Variants in PPP1R16B observed in about 807,000 individuals in gnomAD.
The protein encoded by PPP1R16B is protein phosphatase 1 regulatory inhibitor subunit 16B.
In PPP1R16B, 14 loss-of-function variants were observed where a neutral mutation model predicts 61.7. That is an observed-to-expected ratio of 0.23 (90% CI 0.15 to 0.35). The LOEUF is 0.35. Ranked by LOEUF, PPP1R16B falls within the 10% of genes least tolerant of loss-of-function variation. The probability of loss-of-function intolerance (pLI) is 1.00; values close to 1 mark genes in which losing one functional copy is unlikely to be tolerated. For missense variants in PPP1R16B, 547 were observed against 752.5 expected, an observed-to-expected ratio of 0.73 and a Z score of 3.19; for synonymous variants, 266 against 305.3, an observed-to-expected ratio of 0.87 and a Z score of 1.34.
At chr20:38,884,907 T>TA (rs1211388286) in intron 2 of PPP1R16B, among the ~76,000 whole-genome samples, 2 of 151,538 alleles carry the variant, frequency 1.3e-5, no homozygotes, top group Non-Finnish European at 2.9e-5. Context: ...CCGTCTCTAC[T>TA]AAAAATACAA....
chr20:38,852,049 G>T (rs961862610), intron 2 of PPP1R16B, among the ~76,000 whole-genome samples: 2 of 152,130 alleles, frequency 1.3e-5, no homozygotes, highest in African/African-American at 4.8e-5. Context: ...GGACGGCGGG[G>T]GGGGAAGGCC....
intron 2 of PPP1R16B, among the ~76,000 whole-genome samples, chr20:38,852,724 T>G (rs961925771): frequency 4.7e-4 from 69 of 145,300 alleles, no homozygotes; most frequent in Non-Finnish European, 6.6e-4. Flanking sequence ...GATTCTTGCT[T>G]GGCTTCTAGG....
intron 2 of PPP1R16B, among the ~76,000 whole-genome samples, chr20:38,852,907 G>A (rs2084979339): frequency 6.6e-6 from 1 of 151,782 alleles, no homozygotes; most frequent in Non-Finnish European, 1.5e-5. Context: ...CTGAGTAGCT[G>A]GGATTACAGG....
chr20:38,895,815 T>G, intron 4 of PPP1R16B, 105 bp downstream of exon 4: 1 of 1,173,272 alleles, frequency 8.5e-7, no homozygotes. Context: ...CTCTCCTCCC[T>G]TCCTCCTTCC....
intron 3 of PPP1R16B, among the ~76,000 whole-genome samples, chr20:38,891,802 A>C (rs1488704351): frequency 7.0e-6 from 1 of 143,642 alleles, no homozygotes; most frequent in East Asian, 2.0e-4. Context: ...ACTCTGTCTC[A>C]AAAAAAAAAA....
intron 1 of PPP1R16B, 119 bp from the exon 2 acceptor site, chr20:38,835,706 T>C (rs2084864621): frequency 3.5e-6 from 2 of 566,878 alleles, no homozygotes; most frequent in African/African-American, 3.8e-5. Context: ...GCACTTCTCT[T>C]GAGGAGCAAT....
intron 1 of PPP1R16B, among the ~76,000 whole-genome samples, chr20:38,816,856 G>A (rs1034792431): frequency 4.6e-5 from 7 of 152,214 alleles, no homozygotes; most frequent in East Asian, 1.9e-4. Context: ...GGGGCCAGGC[G>A]AGGTATGTCC....
rs145266178 is a variant in PPP1R16B at position 38,816,276 on chromosome 20, C to T, written c.-102+10484C>T. 3.1e-3 allele frequency among the ~76,000 whole-genome samples: 472 copies of T among 152,114 alleles called. 2 individuals carry two copies. The highest frequency in any genetic ancestry group is 4.4e-3 in the Non-Finnish European group (296 of 68,000). ...GCACTGATTACCGATCACTCAAACC[C>T]GGGCAGATCTGTACGTTGGTCCAGA... On this transcript the variant is annotated intron_variant, in intron 1 of 10. Coordinates refer to ENST00000299824, the MANE Select transcript of PPP1R16B (RefSeq NM_015568.4).
chr20:38,908,482 C>T (rs1472432224), intron 10 of PPP1R16B, among the ~76,000 whole-genome samples: 4 of 152,166 alleles, frequency 2.6e-5, no homozygotes, highest in South Asian at 2.1e-4. Context: ...GGTGAGTGTC[C>T]GCTATGCGCC....
At chr20:38,917,166 C>T (rs1196938376) in intron 10 of PPP1R16B, among the ~76,000 whole-genome samples, 6 of 151,886 alleles carry the variant, frequency 4.0e-5, no homozygotes, top group African/African-American at 7.3e-5. Flanking sequence ...TGTGGTGGTA[C>T]GTGCCTGTAA....
chr20:38,814,239 T>C (rs552611850), intron 1 of PPP1R16B, among the ~76,000 whole-genome samples: 2 of 152,218 alleles, frequency 1.3e-5, no homozygotes, highest in Non-Finnish European at 2.9e-5. Flanking sequence ...GTCCTTGTAC[T>C]GAATCATTAC....
At chr20:38,821,988 T>TAC (rs2084775931) in intron 1 of PPP1R16B, among the ~76,000 whole-genome samples, 1 of 146,192 alleles carries the variant, frequency 6.8e-6, no homozygotes, top group Non-Finnish European at 1.5e-5. Context: ...CAGAAATATA[T>TAC]ATATATTAAT....
chr20:38,833,416 A>G (rs2084850096), intron 1 of PPP1R16B, among the ~76,000 whole-genome samples: 1 of 152,220 alleles, frequency 6.6e-6, no homozygotes. Context: ...GTACATGTGA[A>G]ACTAGGGAAA....
In PPP1R16B at chr20:38,806,322, C is replaced by T. The variant is rs541596307; in HGVS notation, c.-102+530C>T. On this transcript the variant is annotated intron_variant, in intron 1 of 10. Coordinates refer to ENST00000299824, the MANE Select transcript of PPP1R16B (RefSeq NM_015568.4). The surrounding 1 kb of genome is among the most constrained non-coding windows in gnomAD (Gnocchi z 4.5). ...CGCTCCTGCCCGGGCGGGAAAGATC[C>T]CCAAGGCAGGCGCCTCCACCTGCAG... Among the ~76,000 whole-genome samples the T allele has an allele frequency of 2.8e-3, 420 of 152,114 alleles. 2 individuals carry two copies. The highest frequency in any genetic ancestry group is 4.9e-3 in the Non-Finnish European group (331 of 67,916).
chr20:38,885,225 GAAGAA>G (rs773063702), intron 2 of PPP1R16B, among the ~76,000 whole-genome samples: 6 of 151,792 alleles, frequency 4.0e-5, no homozygotes, highest in Non-Finnish European at 8.8e-5. Flanking sequence ...AGAAGAAGAA[GAAGAA>G]AAGAGCAGAA....
intron 1 of PPP1R16B, among the ~76,000 whole-genome samples, chr20:38,819,451 C>T (rs1383546356): frequency 6.6e-6 from 1 of 151,916 alleles, no homozygotes; most frequent in Non-Finnish European, 1.5e-5. Context: ...TTGAGACCAG[C>T]CTAGGGAGCA....
chr20:38,867,444 C>A (rs1449447597), intron 2 of PPP1R16B, among the ~76,000 whole-genome samples: 1 of 152,148 alleles, frequency 6.6e-6, no homozygotes, highest in Non-Finnish European at 1.5e-5. Context: ...AGCTCTGTTG[C>A]CTATTGGGTG....
intron 2 of PPP1R16B, among the ~76,000 whole-genome samples, chr20:38,885,933 G>A (rs928157637): frequency 3.3e-5 from 5 of 152,012 alleles, no homozygotes; most frequent in Non-Finnish European, 5.9e-5. Flanking sequence ...GCGCCACCAC[G>A]CCCAGCTGAT....
At chr20:38,896,190 C>CCTTT (rs1273283613) in intron 4 of PPP1R16B, among the ~76,000 whole-genome samples, 2 of 131,340 alleles carry the variant, frequency 1.5e-5, no homozygotes, top group African/African-American at 6.3e-5. Flanking sequence ...TCCCTCCCTT[C>CCTTT]CTTCTTTCTT....
Sources: gnomAD v4.1 joint callset for allele counts (sites outside exome capture counted in the v4.1 genomes callset) on GRCh38, gnomAD v4.1.1 for gene constraint, Gnocchi (gnomAD v3.1) non-coding constraint, MANE v1.5 for transcripts, NCBI Gene and HGNC (gene_info 2026-07-23, HGNC 2026-07-21) for gene names.